The following ST6GAL1 variants were observed in gnomAD, a reference collection of about 807,000 sequenced individuals.
ST6GAL1 encodes the protein ST6 beta-galactoside alpha-2,6-sialyltransferase 1, also known as beta-galactoside alpha-2,6-sialyltransferase 1.
ST6GAL1 carries 20 observed loss-of-function variants against 38.0 expected under a neutral mutation model. The ratio of observed to expected loss-of-function variants is 0.53; its 90% CI spans 0.37 to 0.77. The LOEUF is 0.77. Among genes scored for constraint, ST6GAL1 ranks in the 30% least tolerant of loss-of-function variants. ST6GAL1 has a pLI of 0.00. For missense variants in ST6GAL1, 432 were observed against 496.4 expected (o/e 0.87, Z 1.23); for synonymous variants, 196 against 188.2 (o/e 1.04, Z -0.34).
At chr3:187,008,368 AAAGGAAAGG>A (rs1483119496) in intron 2 of ST6GAL1, among the ~76,000 whole-genome samples, 3 of 130,272 alleles carry the variant, frequency 2.3e-5, no homozygotes, top group Non-Finnish European at 3.4e-5. Flanking sequence ...AAAAAAGAGA[AAAGGAAAGG>A]AAGGAAGGAA....
chr3:186,983,114 T>C (rs191531408), intron 2 of ST6GAL1, among the ~76,000 whole-genome samples: 2 of 152,344 alleles, frequency 1.3e-5, no homozygotes, highest in East Asian at 3.9e-4. Flanking sequence ...GTGATGGTTG[T>C]ATTTTAATTT....
intron 5 of ST6GAL1, among the ~76,000 whole-genome samples, chr3:187,056,647 TGTA>T (rs1476223557): frequency 5.3e-5 from 8 of 152,370 alleles, no homozygotes; most frequent in African/African-American, 1.9e-4. Flanking sequence ...TCTTCTGGCT[TGTA>T]GAGTTTCTGC....
intron 5 of ST6GAL1, among the ~76,000 whole-genome samples, chr3:187,070,232 G>A (rs1411342555): frequency 6.6e-6 from 1 of 152,048 alleles, no homozygotes; most frequent in African/African-American, 2.4e-5. Context: ...GTTGCCATGT[G>A]CAAAAGTAAA....
intron 2 of ST6GAL1, among the ~76,000 whole-genome samples, chr3:186,992,216 G>A (rs1206578913): frequency 6.6e-6 from 1 of 152,086 alleles, no homozygotes; most frequent in African/African-American, 2.4e-5. Context: ...GAATCATGGG[G>A]GCTGTTTCCC....
intron 2 of ST6GAL1, among the ~76,000 whole-genome samples, chr3:186,995,025 T>C (rs946929010): frequency 2.0e-5 from 3 of 152,144 alleles, no homozygotes; most frequent in Non-Finnish European, 4.4e-5. Context: ...TAAGTAAGTA[T>C]TCCTTAATAC....
intron 2 of ST6GAL1, chr3:187,025,403 G>GT (rs1212339198): frequency 1.3e-5 from 2 of 152,270 alleles, no homozygotes; most frequent in Non-Finnish European, 2.9e-5. Flanking sequence ...GGAGGAAAGA[G>GT]TGGGTAGCTG....
intron 2 of ST6GAL1, among the ~76,000 whole-genome samples, chr3:187,009,373 CATT>C (rs1379876105): frequency 6.6e-6 from 1 of 152,000 alleles, no homozygotes; most frequent in Non-Finnish European, 1.5e-5. Flanking sequence ...ATGAATAAAA[CATT>C]ATTGACCCTG....
intron 2 of ST6GAL1, among the ~76,000 whole-genome samples, chr3:187,012,827 C>T (rs1343377468): frequency 4.6e-5 from 7 of 152,180 alleles, no homozygotes; most frequent in East Asian, 1.9e-4. Context: ...GTGGGAGGTG[C>T]GGTGAGTTTG....
chr3:186,945,165 G>A (rs1282366569), intron 1 of ST6GAL1, among the ~76,000 whole-genome samples: 1 of 152,108 alleles, frequency 6.6e-6, no homozygotes, highest in African/African-American at 2.4e-5. Context: ...ATCATCAGCT[G>A]GGTGTGGTAG....
chr3:187,037,859 C>CTAT (rs10654127), intron 2 of ST6GAL1, among the ~76,000 whole-genome samples: 68,287 of 151,710 alleles, frequency 0.45, 16,555 homozygotes, highest in African/African-American at 0.62. Context: ...ATGAAAACAT[C>CTAT]TATTATTACC....
intron 2 of ST6GAL1, among the ~76,000 whole-genome samples, chr3:187,022,378 A>T (rs551834968): frequency 6.6e-6 from 1 of 152,036 alleles, no homozygotes; most frequent in African/African-American, 2.4e-5. Flanking sequence ...GGGTTAGGGG[A>T]GGGCTGAGGG....
chr3:186,997,430 G>A (rs1292083398), intron 2 of ST6GAL1, among the ~76,000 whole-genome samples: 1 of 152,090 alleles, frequency 6.6e-6, no homozygotes, highest in Admixed American at 6.6e-5. Context: ...GGTAAACTGA[G>A]GCCTGGAAAG....
chr3:186,972,250 T>A (rs1181954956), intron 2 of ST6GAL1, among the ~76,000 whole-genome samples: 2 of 150,130 alleles, frequency 1.3e-5, no homozygotes, highest in African/African-American at 5.0e-5. Context: ...TTTCTTACTT[T>A]CTTTTTTTTT....
chr3:186,994,562 C>T (rs538619703), intron 2 of ST6GAL1, among the ~76,000 whole-genome samples: 68 of 152,270 alleles, frequency 4.5e-4, no homozygotes, highest in African/African-American at 1.6e-3. Flanking sequence ...CATGAATAGT[C>T]ATACAAAATA....
chr3:187,077,063 A>T lies in ST6GAL1; in HGVS notation c.*1260A>T. On this transcript the variant is annotated 3_prime_UTR_variant, in exon 8 of 8. Transcript: ENST00000169298. ...ACGGGCCTTTTGCTGAAGGTCTCTCAGGGTGTAGTGGTGTGGCTCTCTGGA... is the reference window on the plus strand; with the variant it reads ...ACGGGCCTTTTGCTGAAGGTCTCTCTGGGTGTAGTGGTGTGGCTCTCTGGA... The T allele has an allele frequency of 2.5e-6, 1 of 398,106 alleles. No individual in the cohort carries two copies. The highest frequency in any genetic ancestry group is 4.4e-5 in the Admixed American group (1 of 22,666). 24.7% of individuals were successfully genotyped at this position (398,106 alleles called of 1,614,324 possible).
chr3:186,967,709 G>A (rs968117201), intron 2 of ST6GAL1, among the ~76,000 whole-genome samples: 29 of 152,194 alleles, frequency 1.9e-4, no homozygotes, highest in African/African-American at 6.3e-4. Flanking sequence ...AATTACAGCC[G>A]AAAGAGCTCC....
At chr3:186,970,477 C>T (rs539330682) in intron 2 of ST6GAL1, among the ~76,000 whole-genome samples, 3 of 151,998 alleles carry the variant, frequency 2.0e-5, no homozygotes, top group Non-Finnish European at 2.9e-5. Context: ...CCTGCCTCAG[C>T]CTCCCAAAGT....
intron 1 of ST6GAL1, among the ~76,000 whole-genome samples, chr3:186,951,658 C>CT (rs1250013748): frequency 8.5e-5 from 13 of 152,172 alleles, no homozygotes; most frequent in African/African-American, 2.9e-4. Context: ...CTTCAAGTCT[C>CT]TAACACCTTC....
chr3:187,045,928 G>A (rs1000031685), intron 4 of ST6GAL1, among the ~76,000 whole-genome samples: 1 of 152,202 alleles, frequency 6.6e-6, no homozygotes, highest in African/African-American at 2.4e-5. Flanking sequence ...CCTTGTGGGT[G>A]AAGATGGGTG....
Sources: allele counts gnomAD v4.1 joint callset (sites outside exome capture counted in the v4.1 genomes callset), GRCh38; gene constraint gnomAD v4.1.1; transcripts MANE v1.5; gene names NCBI Gene and HGNC (gene_info 2026-07-23, HGNC 2026-07-21).